KCNQ5: variants seen among roughly 807,000 people sequenced by gnomAD.
KCNQ5 encodes potassium voltage-gated channel subfamily KQT member 5.
In KCNQ5, 30 loss-of-function variants were observed where a neutral mutation model predicts 98.2. The observed-to-expected ratio is 0.31, with a 90% CI of 0.23 to 0.41. The LOEUF is 0.41. Ranked by LOEUF, KCNQ5 falls within the 10% of genes least tolerant of loss-of-function variation. The pLI is 1.00. For missense variants in KCNQ5, 835 were observed against 1,182.5 expected, an observed-to-expected ratio of 0.71 and a Z score of 4.31; for synonymous variants, 458 against 449.4, an observed-to-expected ratio of 1.02 and a Z score of -0.24.
intron 1 of KCNQ5, among the ~76,000 whole-genome samples, chr6:72,861,363 A>G (rs1020690154): frequency 6.6e-6 from 1 of 152,208 alleles, no homozygotes; most frequent in African/African-American, 2.4e-5. Flanking sequence ...CAAAATTGAA[A>G]TATGTAGAAG....
intron 1 of KCNQ5, among the ~76,000 whole-genome samples, chr6:72,861,014 G>A (rs960533657): frequency 2.6e-5 from 4 of 152,058 alleles, no homozygotes; most frequent in Admixed American, 1.3e-4. Flanking sequence ...TATCTGAAGT[G>A]TTCTGTGGAT....
intron 5 of KCNQ5, among the ~76,000 whole-genome samples, chr6:73,082,444 A>G (rs946515399): frequency 6.6e-6 from 1 of 152,216 alleles, no homozygotes; most frequent in East Asian, 1.9e-4. Context: ...TGAATCACAG[A>G]AGATTTTTAT....
chr6:73,146,229 G>A (rs554712727), intron 10 of KCNQ5, among the ~76,000 whole-genome samples: 84 of 152,324 alleles, frequency 5.5e-4, no homozygotes, highest in African/African-American at 1.8e-3. Context: ...AACAGATCTC[G>A]TTCTTGTGGA....
chr6:72,965,143 C>G (rs1339765180), intron 1 of KCNQ5, among the ~76,000 whole-genome samples: 1 of 152,010 alleles, frequency 6.6e-6, no homozygotes, highest in African/African-American at 2.4e-5. Flanking sequence ...AAATTGGCCC[C>G]AAGAGTAGTG....
chr6:72,719,031 CTTCA>C (rs1243263275), intron 1 of KCNQ5, among the ~76,000 whole-genome samples: 1 of 152,044 alleles, frequency 6.6e-6, no homozygotes, highest in Non-Finnish European at 1.5e-5. Context: ...TTATTTATTT[CTTCA>C]TTCAATAACT....
chr6:73,004,362 A>G (rs975287510), intron 2 of KCNQ5, among the ~76,000 whole-genome samples: 1 of 152,358 alleles, frequency 6.6e-6, no homozygotes, highest in African/African-American at 2.4e-5. Flanking sequence ...TATAGAGTAG[A>G]GAGCATTTTC....
chr6:72,868,551 G>A (rs567518106), intron 1 of KCNQ5, among the ~76,000 whole-genome samples: 1 of 152,292 alleles, frequency 6.6e-6, no homozygotes, highest in Non-Finnish European at 1.5e-5. Context: ...GCAATGGAAG[G>A]AAATGAATTC....
At chr6:72,997,782 CAAAAAAAAAAAAAAA>C (rs70994154) in intron 1 of KCNQ5, among the ~76,000 whole-genome samples, 1 of 62,064 alleles carries the variant, frequency 1.6e-5, no homozygotes, top group African/African-American at 6.3e-5. Flanking sequence ...GACTCTGTCT[CAAAAAAAAAAAAAAA>C]AAAAAAAAAA....
chr6:72,823,671 A>T (rs576513832), intron 1 of KCNQ5, among the ~76,000 whole-genome samples: 21 of 152,276 alleles, frequency 1.4e-4, no homozygotes, highest in African/African-American at 4.8e-4. Flanking sequence ...AGTCTTTCAG[A>T]TGCTTCACAC....
chr6:72,854,392 G>A (rs935393701), intron 1 of KCNQ5, among the ~76,000 whole-genome samples: 3 of 151,798 alleles, frequency 2.0e-5, no homozygotes, highest in African/African-American at 7.3e-5. Context: ...AGTATTATCT[G>A]TGATCGCAAA....
intron 1 of KCNQ5, among the ~76,000 whole-genome samples, chr6:72,757,619 C>T (rs1011468058): frequency 1.3e-5 from 2 of 151,916 alleles, no homozygotes; most frequent in Admixed American, 6.6e-5. Context: ...GCAGAATGGC[C>T]GTATGGGTAC....
intron 2 of KCNQ5, among the ~76,000 whole-genome samples, chr6:73,036,016 TG>T (rs1771403122): frequency 6.6e-6 from 1 of 151,576 alleles, no homozygotes; most frequent in Non-Finnish European, 1.5e-5. Flanking sequence ...TGTGTGTGTG[TG>T]TGTGTGTGTG....
intron 11 of KCNQ5, among the ~76,000 whole-genome samples, chr6:73,180,780 G>A (rs530570681): frequency 1.3e-5 from 2 of 152,328 alleles, no homozygotes; most frequent in South Asian, 4.1e-4. Flanking sequence ...CCAAAGAGCA[G>A]CCAAGCTTGG....
At chr6:73,190,149 C>T (rs1370815179) in intron 11 of KCNQ5, among the ~76,000 whole-genome samples, 1 of 151,798 alleles carries the variant, frequency 6.6e-6, no homozygotes, top group Non-Finnish European at 1.5e-5. Context: ...TTTGCAAACA[C>T]ATTTGTATCT....
intron 10 of KCNQ5, among the ~76,000 whole-genome samples, chr6:73,154,024 A>G (rs953589629): frequency 4.7e-4 from 72 of 152,124 alleles, no homozygotes; most frequent in Non-Finnish European, 1.2e-4. Context: ...AAAGCTCAAA[A>G]GGATATTTAA....
intron 10 of KCNQ5, chr6:73,136,233 A>G (rs562467811): frequency 3.9e-5 from 6 of 152,328 alleles, no homozygotes; most frequent in East Asian, 1.9e-4. Flanking sequence ...AAAGCATTCA[A>G]CTTTGTAGTG....
At chr6:72,799,526 C>T (rs1774522597) in intron 1 of KCNQ5, among the ~76,000 whole-genome samples, 1 of 152,200 alleles carries the variant, frequency 6.6e-6, no homozygotes, top group South Asian at 2.1e-4. Context: ...TATAACTATA[C>T]ACCTAGCTTC....
intron 10 of KCNQ5, chr6:73,134,183 A>G (rs1776364193): frequency 7.6e-6 from 2 of 264,656 alleles, no homozygotes; most frequent in African/African-American, 4.4e-5. Flanking sequence ...TTCCAATGAT[A>G]AGTAAAATTC....
At chr6:73,046,729 G>A (rs766273709) in intron 3 of KCNQ5, among the ~76,000 whole-genome samples, 6 of 150,540 alleles carry the variant, frequency 4.0e-5, no homozygotes, top group South Asian at 2.1e-4. Context: ...TACAACCTCC[G>A]CCTCCTGGGT....
Sources: gnomAD v4.1 joint callset for allele counts (sites outside exome capture counted in the v4.1 genomes callset) on GRCh38, gnomAD v4.1.1 for gene constraint, MANE v1.5 for transcripts, NCBI Gene and HGNC (gene_info 2026-07-23, HGNC 2026-07-21) for gene names.